SPTA1: variants seen among roughly 807,000 people sequenced by gnomAD.
The protein encoded by SPTA1 is spectrin alpha, erythrocytic 1, also known as spectrin alpha chain, erythrocytic 1.
Under a neutral mutation model 324.7 loss-of-function variants are expected in SPTA1, and 177 were observed. The observed-to-expected ratio is 0.55, with a 90% CI of 0.48 to 0.62. The LOEUF is 0.62. SPTA1 is among the 20% of genes least tolerant of loss of function. SPTA1 has a pLI of 0.00. For synonymous variants in SPTA1, 1,195 were observed against 1,041.3 expected (o/e 1.15, Z -2.84); for missense variants, 3,162 against 2,883.6 (o/e 1.10, Z -2.21).
Position 158,635,932 on chromosome 1 carries a change from T to C in SPTA1, c.5413A>G (p.Lys1805Glu), listed in dbSNP as rs770623394. 1 of 1,613,078 alleles carries C rather than the reference T, an allele frequency of 6.2e-7. No individual in the cohort carries two copies. The highest frequency in any genetic ancestry group is 8.5e-7 in the Non-Finnish European group (1 of 1,179,182). ...ACTCACCGGGCCTTGGCCAACTCTT[T>C]GAGCTTCTCCCAGTGTTCAACAAAC... ...AQFVEHWEKL[K>E]ELAKARGLKL... The change falls in exon 38 of 52, where the codon AAA (lysine) becomes GAA (glutamate). Residue 1805 changes from lysine (K) to glutamate (E), a missense_variant. By Grantham distance (56) the Lys-to-Glu change is moderately conservative. Coordinates refer to ENST00000643759, the MANE Select transcript of SPTA1 (RefSeq NM_003126.4).
At chr1:158,685,927 C>T (rs1655142196) in intron 1 of SPTA1, among the ~76,000 whole-genome samples, 1 of 152,156 alleles carries the variant, frequency 6.6e-6, no homozygotes, top group Non-Finnish European at 1.5e-5. Context: ...TCACAAATTT[C>T]AAATTATTAG....
intron 35 of SPTA1, among the ~76,000 whole-genome samples, chr1:158,638,745 CAAA>C (rs34072412): frequency 1.1e-4 from 10 of 92,202 alleles, no homozygotes; most frequent in African/African-American, 2.1e-4. Context: ...GAGCTGGTAC[CAAA>C]AAAAAAAAAA....
At chr1:158,664,348 A>G (rs776811496) in intron 16 of SPTA1, among the ~76,000 whole-genome samples, 1 of 152,208 alleles carries the variant, frequency 6.6e-6, no homozygotes, top group Non-Finnish European at 1.5e-5. Context: ...CTATGCAGCC[A>G]TAAAAAAGAA....
chr1:158,666,296 C>T lies in SPTA1; in HGVS notation c.2220+20G>A. 2 of 1,611,198 alleles carry T rather than the reference C, an allele frequency of 1.2e-6. No homozygotes were observed. The highest frequency in any genetic ancestry group is 1.7e-6 in the Non-Finnish European group (2 of 1,179,644). ...ATATACACCCATTGCTTATGGCTGGCCAAAGAGCTAACAACAAACCTGACG... is the reference window on the plus strand; with the variant it reads ...ATATACACCCATTGCTTATGGCTGGTCAAAGAGCTAACAACAAACCTGACG... On this transcript the variant is annotated intron_variant, in intron 16 of 51. Coordinates refer to ENST00000643759, the MANE Select transcript of SPTA1 (RefSeq NM_003126.4).
At chr1:158,651,803 C>G (rs1384573765) in intron 23 of SPTA1, among the ~76,000 whole-genome samples, 1 of 151,856 alleles carries the variant, frequency 6.6e-6, no homozygotes, top group Non-Finnish European at 1.5e-5. Context: ...AGTACAAACT[C>G]CAGCTTTAAA....
chr1:158,659,247 T>C (rs1280924704), intron 18 of SPTA1, among the ~76,000 whole-genome samples: 1 of 152,134 alleles, frequency 6.6e-6, no homozygotes, highest in African/African-American at 2.4e-5. Flanking sequence ...TTTAAGAATC[T>C]TATATTAAAC....
At chr1:158,616,809 T>A (rs1649583797) in intron 47 of SPTA1, among the ~76,000 whole-genome samples, 1 of 152,242 alleles carries the variant, frequency 6.6e-6, no homozygotes. Flanking sequence ...ATGGTCTTTA[T>A]CTTTTTAATT....
At chr1:158,632,079 G>A (rs1222064599) in intron 39 of SPTA1, among the ~76,000 whole-genome samples, 7 of 152,096 alleles carry the variant, frequency 4.6e-5, no homozygotes, top group Non-Finnish European at 8.8e-5. Context: ...TGAAAAAAAT[G>A]TGGTATATTC....
At position 158,669,696 on chromosome 1, in the gene SPTA1, C is replaced by T. The variant is rs752617666; in HGVS notation, c.1677+13G>A. The stretch of plus-strand genomic sequence containing the variant: ...TGTGTAGGCACACAGAAGCTCTAGG[C>T]CCTTGGACATACCCCGTCACGGATA... On this transcript the variant is annotated intron_variant, in intron 13 of 51. Transcript: ENST00000643759. 2 of 1,614,100 alleles carry T rather than the reference C, an allele frequency of 1.2e-6. No homozygotes were observed. The highest frequency in any genetic ancestry group is 1.1e-5 in the South Asian group (1 of 91,082).
chr1:158,626,694 G>C (rs1286002686), intron 41 of SPTA1, 145 bp downstream of exon 41: 3 of 975,342 alleles, frequency 3.1e-6, no homozygotes, highest in Non-Finnish European at 4.8e-6. Context: ...AAATGTGAGT[G>C]TAATTCTGTC....
Position 158,669,333 on chromosome 1 carries a change from A to G in SPTA1, c.1833+75T>C, listed in dbSNP as rs1398742944. On this transcript the variant is annotated intron_variant, in intron 14 of 51. Transcript: ENST00000643759. ...GATCACCAGCTGAACGCTAAAGTTC[A>G]TTTTACTCCAAGACTGTACTTCCAA... 22 of 1,603,332 alleles carry G rather than the reference A, an allele frequency of 1.4e-5. No individual in the cohort carries two copies. The Admixed American group carries it at 3.5e-4, about 26-fold the overall frequency.
chr1:158,634,338 T>C (rs1650900687), intron 39 of SPTA1, among the ~76,000 whole-genome samples: 1 of 152,238 alleles, frequency 6.6e-6, no homozygotes, highest in Non-Finnish European at 1.5e-5. Context: ...CCTGCCTTCA[T>C]GCCTGATTGG....
Position 158,647,598 on chromosome 1 carries a change from C to T in SPTA1, c.3837G>A (p.Lys1279=), listed in dbSNP as rs1369880334. ...CCTCATTTAGGCTCTCCTTACGATC[C>T]TTTGTACGCCCCTGCAGGTCTTCCC... ...EAWEDLQGRT[K]DRKESLNEAQ... Residue 1279 remains lysine, a synonymous_variant, in exon 27 of 52, where the codon AAG becomes AAA. Coordinates refer to ENST00000643759, the MANE Select transcript of SPTA1 (RefSeq NM_003126.4). 2 of 1,613,900 alleles carry T rather than the reference C, an allele frequency of 1.2e-6. No homozygotes were observed. Among genetic ancestry groups the T allele is most frequent in the Non-Finnish European group, 8.5e-7 (1 of 1,179,918 alleles).
intron 7 of SPTA1, 37 bp from the exon 8 acceptor site, chr1:158,676,332 G>A (rs1654392764): frequency 6.2e-7 from 1 of 1,611,138 alleles, no homozygotes; most frequent in Non-Finnish European, 8.5e-7. Flanking sequence ...GGAAATCCAA[G>A]TACTCTGACT....
chr1:158,650,372 C>T (rs756620286), intron 24 of SPTA1, among the ~76,000 whole-genome samples: 1 of 152,162 alleles, frequency 6.6e-6, no homozygotes, highest in South Asian at 2.1e-4. Flanking sequence ...TGTTCCGCTT[C>T]GTATTTCTTC....
intron 33 of SPTA1, 77 bp downstream of exon 33, chr1:158,642,334 A>G (rs2101827486): frequency 6.9e-7 from 1 of 1,457,928 alleles, no homozygotes. Context: ...AAAAAATACA[A>G]TAAATTAAAA....
intron 33 of SPTA1, among the ~76,000 whole-genome samples, chr1:158,640,245 C>T (rs573016694): frequency 6.6e-6 from 1 of 152,112 alleles, no homozygotes; most frequent in Admixed American, 6.6e-5. Flanking sequence ...CATACAAATG[C>T]CAAAAAACTA....
chr1:158,671,246 T>G (rs1654000318), intron 12 of SPTA1, 97 bp downstream of exon 12: 2 of 824,584 alleles, frequency 2.4e-6, no homozygotes, highest in Non-Finnish European at 4.2e-6. Flanking sequence ...AGGCTATGTC[T>G]GGTAGTTACA....
At chr1:158,675,934 T>C (rs555019037) in intron 8 of SPTA1, among the ~76,000 whole-genome samples, 4 of 152,308 alleles carry the variant, frequency 2.6e-5, no homozygotes, top group East Asian at 1.9e-4. Flanking sequence ...TGACTGCTGG[T>C]AACTGAAACC....
Sources: gnomAD v4.1 joint callset for allele counts (sites outside exome capture counted in the v4.1 genomes callset) on GRCh38, gnomAD v4.1.1 for gene constraint, MANE v1.5 for transcripts, NCBI Gene and HGNC (gene_info 2026-07-23, HGNC 2026-07-21) for gene names.